ATXN7: variants seen among roughly 807,000 people sequenced by gnomAD.
ATXN7 encodes the protein ataxin 7.
ATXN7 carries 12 observed loss-of-function variants against 70.5 expected under a neutral mutation model. The observed-to-expected ratio is 0.17, with a 90% CI of 0.11 to 0.28. The LOEUF (loss-of-function observed/expected upper bound fraction) is 0.28, where lower values mean the gene tolerates loss of function less well. Among genes scored for constraint, ATXN7 ranks in the 10% least tolerant of loss-of-function variants. The probability of loss-of-function intolerance (pLI) is 1.00; values close to 1 mark genes in which losing one functional copy is unlikely to be tolerated. For missense variants in ATXN7, 1,256 were observed against 1,131.7 expected, an observed-to-expected ratio of 1.11 and a Z score of -1.58; for synonymous variants, 498 against 448.7, an observed-to-expected ratio of 1.11 and a Z score of -1.39.
At chr3:63,909,224 G>A (rs1357944801) in intron 2 of ATXN7, among the ~76,000 whole-genome samples, 1 of 152,226 alleles carries the variant, frequency 6.6e-6, no homozygotes, top group East Asian at 1.9e-4. Context: ...AGCACTGATT[G>A]ATATTATACA....
At chr3:63,956,404 G>T (rs1195867472) in intron 5 of ATXN7, among the ~76,000 whole-genome samples, 1 of 128,364 alleles carries the variant, frequency 7.8e-6, no homozygotes, top group Non-Finnish European at 1.6e-5. Flanking sequence ...CTGGGTGACG[G>T]AGCGAGACTG....
At position 63,995,859 on chromosome 3, in the gene ATXN7, T is replaced by G. The variant is rs745389684; in HGVS notation, c.2037T>G (p.Ser679=). Residue 679 remains serine, a synonymous_variant, in exon 12 of 13, where the codon TCT becomes TCG. Coordinates refer to ENST00000674280, the MANE Select transcript of ATXN7 (RefSeq NM_001377405.1). ...RKPQKLKSSK[S]LRPKESSGNS... is the part of the protein sequence containing the mutation. ...CTCAGAAATTGAAATCCAGCAAATC[T>G]TTGAGGCCCAAGGAGTCTTCTGGTA... is the stretch of plus-strand genomic sequence containing the variant. 3 of 1,614,196 alleles carry G rather than the reference T, an allele frequency of 1.9e-6. No individual in the cohort carries two copies. Among genetic ancestry groups the G allele is most frequent in the Non-Finnish European group, 2.5e-6 (3 of 1,180,030 alleles).
At chr3:63,937,251 A>C (rs569603792) in intron 4 of ATXN7, among the ~76,000 whole-genome samples, 2 of 152,332 alleles carry the variant, frequency 1.3e-5, no homozygotes, top group Admixed American at 1.3e-4. Context: ...AAATAGACCA[A>C]AGGCTTAGTA....
In ATXN7 at chr3:63,885,883, A is replaced by G. The variant is rs1442759539; in HGVS notation, c.-110-12516A>G. Among the ~76,000 whole-genome samples, 9 of 152,026 alleles carry G rather than the reference A, an allele frequency of 5.9e-5. No individual in the cohort carries two copies. In the East Asian group the frequency reaches 1.5e-3, roughly 26 times the overall value. ...ATACAAAAAATTAGCAGGGCATGGT[A>G]GCATGCACCTGTAGTCCCAGCTACT... On this transcript the variant is annotated intron_variant, in intron 1 of 12. Transcript: ENST00000674280.
At chr3:63,963,748 C>T (rs1382868381) in intron 5 of ATXN7, among the ~76,000 whole-genome samples, 1 of 152,132 alleles carries the variant, frequency 6.6e-6, no homozygotes, top group Non-Finnish European at 1.5e-5. Context: ...CTTCCTCTGC[C>T]AGGCCCTCTA....
intron 1 of ATXN7, among the ~76,000 whole-genome samples, chr3:63,875,456 G>T (rs1399929820): frequency 6.6e-6 from 1 of 152,140 alleles, no homozygotes. Context: ...TGTAATGGTG[G>T]TGTCTAGTAG....
chr3:63,923,922 G>C (rs1274031556), intron 4 of ATXN7, among the ~76,000 whole-genome samples: 1 of 152,140 alleles, frequency 6.6e-6, no homozygotes, highest in African/African-American at 2.4e-5. Flanking sequence ...AAGGAATTTG[G>C]ATTTAAGTGT....
intron 2 of ATXN7, among the ~76,000 whole-genome samples, chr3:63,900,278 A>G (rs1575865499): frequency 6.6e-6 from 1 of 152,218 alleles, no homozygotes; most frequent in Admixed American, 6.5e-5. Context: ...TGATGCCACA[A>G]TCAGGTTTTA....
rs756800601 is a variant in ATXN7, at chr3:63,990,870, G to T, written c.1682+11G>T. On this transcript the variant is annotated intron_variant, in intron 11 of 12. Coordinates refer to ENST00000674280, the MANE Select transcript of ATXN7 (RefSeq NM_001377405.1). ...TGCACAGCTATGGAAGTGAGTGCCTGTTGTTCTTGGGAGAGGAGCTGACTT... is the reference window on the plus strand; with the variant it reads ...TGCACAGCTATGGAAGTGAGTGCCTTTTGTTCTTGGGAGAGGAGCTGACTT... The T allele has an allele frequency of 2.5e-6, 4 of 1,614,100 alleles. No homozygotes were observed. The African/African-American group carries it at 5.3e-5, about 22-fold the overall frequency.
Position 63,995,560 on chromosome 3 carries a change from C to T in ATXN7, c.1738C>T (p.Arg580Trp), listed in dbSNP as rs745544193. 21 of 1,614,062 alleles carry T rather than the reference C, an allele frequency of 1.3e-5. No individual in the cohort carries two copies. The highest frequency in any genetic ancestry group is 6.6e-5 in the South Asian group (6 of 91,080). The change falls in exon 12 of 13, where the codon CGG becomes TGG. Residue 580 changes from arginine (R) to tryptophan (W), a missense_variant. By Grantham distance (101) the Arg-to-Trp change is moderately radical. Transcript: ENST00000674280. ...ACCCATCTCCACACGTATTCCTCACCGGACAAACTCTGTGCCGACATCACA... is the reference window on the plus strand; with the variant it reads ...ACCCATCTCCACACGTATTCCTCACTGGACAAACTCTGTGCCGACATCACA... The part of the protein sequence containing the change: ...TSPISTRIPH[R>W]TNSVPTSQCG...
chr3:63,970,048 C>T (rs2075286039), intron 5 of ATXN7, among the ~76,000 whole-genome samples: 1 of 152,188 alleles, frequency 6.6e-6, no homozygotes, highest in Non-Finnish European at 1.5e-5. Flanking sequence ...ATTTGGGTAA[C>T]ACCGTGCTCT....
intron 5 of ATXN7, among the ~76,000 whole-genome samples, chr3:63,973,133 A>C (rs552598465): frequency 9.2e-5 from 14 of 152,320 alleles, no homozygotes; most frequent in Non-Finnish European, 1.9e-4. Context: ...TCACCCAATT[A>C]GTAACTGGCA....
intron 5 of ATXN7, among the ~76,000 whole-genome samples, chr3:63,960,855 G>A (rs1488250199): frequency 1.3e-5 from 2 of 151,346 alleles, no homozygotes; most frequent in African/African-American, 2.4e-5. Flanking sequence ...GGGGGTGGGG[G>A]GTCATTTTTT....
At chr3:63,863,817 CGGCGGCG>C, upstream of ATXN7, 1 of 1,174,526 alleles carries the variant, frequency 8.5e-7, no homozygotes, top group Non-Finnish European at 1.1e-6. Context: ...GCGGCGGCGG[CGGCGGCG>C]CAAGCTGAGG....
intron 4 of ATXN7, among the ~76,000 whole-genome samples, chr3:63,919,044 C>T (rs1173068547): frequency 2.0e-5 from 3 of 151,352 alleles, no homozygotes; most frequent in Admixed American, 6.6e-5. Flanking sequence ...CCAGAAAGAC[C>T]CTCCTGTAGC....
chr3:63,922,263 A>C (rs1245787229), intron 4 of ATXN7, among the ~76,000 whole-genome samples: 1 of 152,082 alleles, frequency 6.6e-6, no homozygotes, highest in Admixed American at 6.6e-5. Context: ...GCTGGTCTCA[A>C]ACTCTGGAGC....
At chr3:63,998,207 G>GGA (rs200163479) in intron 12 of ATXN7, 1 of 946,806 alleles carries the variant, frequency 1.1e-6, no homozygotes, top group Non-Finnish European at 1.2e-6. Flanking sequence ...AGAAGGGGGG[G>GGA]GGGCCAGGTG....
At chr3:63,877,476 G>C (rs1265149912) in intron 1 of ATXN7, among the ~76,000 whole-genome samples, 1 of 152,240 alleles carries the variant, frequency 6.6e-6, no homozygotes, top group Non-Finnish European at 1.5e-5. Context: ...CCTACTGCTT[G>C]TCAGACTGCC....
chr3:63,921,127 G>C (rs141712182), intron 4 of ATXN7, among the ~76,000 whole-genome samples: 148 of 152,304 alleles, frequency 9.7e-4, no homozygotes, highest in African/African-American at 3.4e-3. Context: ...CGTAAAACTA[G>C]ATTAAGTATT....
Sources: gnomAD v4.1 joint callset for allele counts (sites outside exome capture counted in the v4.1 genomes callset) on GRCh38, gnomAD v4.1.1 for gene constraint, MANE v1.5 for transcripts, NCBI Gene and HGNC (gene_info 2026-07-23, HGNC 2026-07-21) for gene names.